Variants in CTNNA2 observed in about 807,000 individuals in gnomAD.
CTNNA2 encodes the protein catenin alpha-2.
In CTNNA2, 42 loss-of-function variants were observed where a neutral mutation model predicts 101.0. That is an observed-to-expected ratio of 0.42 (90% CI 0.32 to 0.54). CTNNA2 has a LOEUF of 0.54. CTNNA2 is among the 20% of genes least tolerant of loss of function. The pLI is 0.14. For missense variants in CTNNA2, 871 were observed against 1,223.1 expected (o/e 0.71, Z 4.29); for synonymous variants, 450 against 456.4 (o/e 0.99, Z 0.18).
At chr2:80,377,795 A>C (rs557469003) in intron 7 of CTNNA2, among the ~76,000 whole-genome samples, 1 of 152,294 alleles carries the variant, frequency 6.6e-6, no homozygotes, top group Admixed American at 6.5e-5. Context: ...GTAGCTCTGG[A>C]TGCAAATAAG....
chr2:80,031,315 A>G (rs1219353917), intron 7 of CTNNA2, among the ~76,000 whole-genome samples: 1 of 152,200 alleles, frequency 6.6e-6, no homozygotes, highest in African/African-American at 2.4e-5. Flanking sequence ...TAATAAAGAC[A>G]TACCTGAAAC....
intron 7 of CTNNA2, among the ~76,000 whole-genome samples, chr2:79,967,535 C>T (rs1690161148): frequency 2.6e-5 from 4 of 152,188 alleles, no homozygotes; most frequent in Admixed American, 6.5e-5. Context: ...TATAAATGCA[C>T]GTGAAAACAT....
chr2:79,766,840 C>T (rs1673198810), intron 3 of CTNNA2, among the ~76,000 whole-genome samples: 1 of 152,012 alleles, frequency 6.6e-6, no homozygotes, highest in Non-Finnish European at 1.5e-5. Context: ...ACCGCAACCT[C>T]CACCTCCTGG....
chr2:80,536,592 A>G (rs115109080), intron 9 of CTNNA2, among the ~76,000 whole-genome samples: 153 of 152,344 alleles, frequency 1.0e-3, no homozygotes, highest in Middle Eastern at 6.8e-3. Context: ...ATATTAAAAA[A>G]TGTAATTTGA....
chr2:79,901,249 A>G (rs1413467893), intron 6 of CTNNA2, among the ~76,000 whole-genome samples: 2 of 151,776 alleles, frequency 1.3e-5, no homozygotes, highest in Non-Finnish European at 2.9e-5. Flanking sequence ...ATAAAAGTGA[A>G]TGACTGCATA....
chr2:79,690,012 A>G (rs1221162349), intron 2 of CTNNA2, among the ~76,000 whole-genome samples: 1 of 152,056 alleles, frequency 6.6e-6, no homozygotes, highest in Non-Finnish European at 1.5e-5. Context: ...CCCATAGAAG[A>G]AAAGAGAAAT....
intron 7 of CTNNA2, among the ~76,000 whole-genome samples, chr2:79,911,476 C>T (rs553999005): frequency 6.6e-6 from 1 of 152,146 alleles, no homozygotes; most frequent in African/African-American, 2.4e-5. Context: ...TTGATCAACA[C>T]GTGACATGTA....
chr2:80,113,984 G>A (rs982284075), intron 7 of CTNNA2, among the ~76,000 whole-genome samples: 3 of 152,124 alleles, frequency 2.0e-5, no homozygotes, highest in Non-Finnish European at 4.4e-5. Flanking sequence ...GTTTTTCAGG[G>A]CAAACTCTTC....
intron 8 of CTNNA2, among the ~76,000 whole-genome samples, chr2:80,412,203 G>A (rs192258731): frequency 6.6e-6 from 1 of 152,298 alleles, no homozygotes; most frequent in East Asian, 1.9e-4. Flanking sequence ...GCATATCGTG[G>A]AGGTAAAGGA....
intron 3 of CTNNA2, among the ~76,000 whole-genome samples, chr2:79,314,790 A>C (rs573993258): frequency 6.6e-6 from 1 of 152,254 alleles, no homozygotes; most frequent in South Asian, 2.1e-4. Context: ...AAGAGTTTCA[A>C]ATTCTTTCCC....
intron 7 of CTNNA2, among the ~76,000 whole-genome samples, chr2:80,089,804 G>A (rs1356004636): frequency 6.6e-6 from 1 of 151,836 alleles, no homozygotes; most frequent in Non-Finnish European, 1.5e-5. Flanking sequence ...TCCTCATCTT[G>A]CCAGCCAGCA....
chr2:79,588,759 A>T (rs933874953), intron 1 of CTNNA2, among the ~76,000 whole-genome samples: 72 of 152,300 alleles, frequency 4.7e-4, no homozygotes, highest in African/African-American at 1.7e-3. Flanking sequence ...ACTTTTTCCA[A>T]GACTTGAAGC....
intron 6 of CTNNA2, among the ~76,000 whole-genome samples, chr2:79,890,765 T>C (rs539604660): frequency 2.7e-5 from 4 of 148,922 alleles, no homozygotes; most frequent in African/African-American, 9.9e-5. Context: ...GACTGAGTCA[T>C]TTATAAACAA....
intron 9 of CTNNA2, among the ~76,000 whole-genome samples, chr2:80,463,591 G>A (rs1456369620): frequency 2.6e-5 from 4 of 152,148 alleles, no homozygotes; most frequent in Non-Finnish European, 5.9e-5. Context: ...GTCTCCACGG[G>A]TGGATACTCA....
At chr2:79,635,178 A>G (rs1004330927) in intron 1 of CTNNA2, among the ~76,000 whole-genome samples, 3 of 152,136 alleles carry the variant, frequency 2.0e-5, no homozygotes, top group African/African-American at 7.2e-5. Context: ...GATAGAATTT[A>G]TTAGACTTGA....
At chr2:79,460,841 T>C (rs1035873427) in intron 4 of CTNNA2, among the ~76,000 whole-genome samples, 2 of 145,298 alleles carry the variant, frequency 1.4e-5, no homozygotes, top group Non-Finnish European at 3.1e-5. Context: ...TTAAGTATTT[T>C]TTTTTTCTTT....
At chr2:80,591,852 T>C (rs901515646) in intron 15 of CTNNA2, among the ~76,000 whole-genome samples, 2 of 152,162 alleles carry the variant, frequency 1.3e-5, no homozygotes, top group Non-Finnish European at 2.9e-5. Context: ...TGCCTCATTA[T>C]ATGTGTAATA....
At chr2:79,222,703 G>C (rs7592361) in intron 2 of CTNNA2, among the ~76,000 whole-genome samples, 14 of 150,484 alleles carry the variant, frequency 9.3e-5, no homozygotes, top group African/African-American at 3.2e-4. Flanking sequence ...CTCTCTCTCT[G>C]TTCTTATTAT....
intron 9 of CTNNA2, among the ~76,000 whole-genome samples, chr2:80,474,968 A>C (rs1211651503): frequency 6.6e-6 from 1 of 152,250 alleles, no homozygotes; most frequent in Non-Finnish European, 1.5e-5. Context: ...AAGACCAAAA[A>C]AATTATCTCA....
Sources: gnomAD v4.1 joint callset for allele counts (sites outside exome capture counted in the v4.1 genomes callset) on GRCh38, gnomAD v4.1.1 for gene constraint, MANE v1.5 for transcripts, NCBI Gene and HGNC (gene_info 2026-07-23, HGNC 2026-07-21) for gene names.